VANGL2: variants seen among roughly 807,000 people sequenced by gnomAD.
The protein encoded by VANGL2 is VANGL planar cell polarity protein 2, also known as vang-like protein 2.
A neutral mutation model predicts 50.2 loss-of-function variants in VANGL2; 14 were observed. That is an observed-to-expected ratio of 0.28 (90% CI 0.18 to 0.44). The LOEUF (loss-of-function observed/expected upper bound fraction) is 0.44, where lower values mean the gene tolerates loss of function less well. VANGL2 is among the 20% of genes least tolerant of loss of function. VANGL2 has a pLI of 1.00. For synonymous variants in VANGL2, 295 were observed against 297.2 expected (o/e 0.99, Z 0.08); for missense variants, 533 against 701.5 (o/e 0.76, Z 2.71).
chr1:160,407,861 G>C (rs1373236430), intron 1 of VANGL2, among the ~76,000 whole-genome samples: 1 of 152,208 alleles, frequency 6.6e-6, no homozygotes, highest in Non-Finnish European at 1.5e-5. Context: ...GCAGCTCAAA[G>C]CCTGGTGGTG....
At chr1:160,420,953 T>G in intron 5 of VANGL2, 99 bp from the exon 6 acceptor site, 1 of 1,554,060 alleles carries the variant, frequency 6.4e-7, no homozygotes, top group Non-Finnish European at 8.8e-7. Context: ...TGGGAACAGC[T>G]TCTTCTGGAC....
In VANGL2 at chr1:160,425,078, A is replaced by G. The variant is rs200468499; in HGVS notation, c.1306-40A>G. 65 of 1,613,926 alleles carry G rather than the reference A, an allele frequency of 4.0e-5. No individual in the cohort carries two copies. In the East Asian group the frequency reaches 1.3e-3, roughly 33 times the overall value. On this transcript the variant is annotated intron_variant, in intron 7 of 7. Transcript: ENST00000368061. ...CTAGGGGATGAAGGACCGTGGGTAGATGACAGAGATTCTTATGCAGCCCCT... is the reference window on the plus strand; with the variant it reads ...CTAGGGGATGAAGGACCGTGGGTAGGTGACAGAGATTCTTATGCAGCCCCT...
intron 1 of VANGL2, among the ~76,000 whole-genome samples, chr1:160,414,692 T>G (rs1650992702): frequency 6.6e-6 from 1 of 152,018 alleles, no homozygotes; most frequent in Non-Finnish European, 1.5e-5. Context: ...AAACAAGATT[T>G]GATGCGTCAA....
chr1:160,418,032 C>T (rs1308467825), intron 3 of VANGL2, among the ~76,000 whole-genome samples: 1 of 151,878 alleles, frequency 6.6e-6, no homozygotes, highest in Non-Finnish European at 1.5e-5. Flanking sequence ...CTGCATCAGC[C>T]TCCCGAGTAG....
chr1:160,402,615 G>A (rs576418732), intron 1 of VANGL2, among the ~76,000 whole-genome samples: 15 of 152,238 alleles, frequency 9.9e-5, no homozygotes, highest in Admixed American at 4.6e-4. Flanking sequence ...CTGGTGTCAA[G>A]CATGATTGAG....
chr1:160,416,094 G>A lies in VANGL2; in HGVS notation c.104G>A (p.Arg35Gln), dbSNP rs142035303. 1.2e-6 allele frequency: 2 copies of A among 1,614,120 alleles called. No homozygotes were observed. The highest frequency in any genetic ancestry group is 1.3e-5 in the African/African-American group (1 of 74,938). The change falls in exon 3 of 8, where the codon CGA becomes CAA. Residue 35 changes from arginine (R) to glutamine (Q), a missense_variant. Arg to Gln is a conservative substitution (Grantham distance 43). Transcript: ENST00000368061. ...CGGGACCGACACCGCTCTAAGAGTCGAGATGGGGGCCGAGGGGACAAGTCG... is the reference window on the plus strand; with the variant it reads ...CGGGACCGACACCGCTCTAAGAGTCAAGATGGGGGCCGAGGGGACAAGTCG... ...DRRDRHRSKSRDGGRGDKSVT... is the reference protein window; with the variant it reads ...DRRDRHRSKSQDGGRGDKSVT...
At chr1:160,406,018 G>A (rs1650648136) in intron 1 of VANGL2, among the ~76,000 whole-genome samples, 1 of 152,160 alleles carries the variant, frequency 6.6e-6, no homozygotes, top group South Asian at 2.1e-4. Context: ...GAAAAGGTGG[G>A]AACTAACATT....
Position 160,425,485 on chromosome 1 carries a change from T to TA in VANGL2, c.*107_*108insA. 1.1e-6 allele frequency: 1 copy of TA among 915,440 alleles called. No individual in the cohort carries two copies. The highest frequency in any genetic ancestry group is 1.5e-6 in the Non-Finnish European group (1 of 674,452). The allele number at this position is 915,440 out of a possible 1,614,324, so 56.7% of individuals were successfully genotyped here. On this transcript the variant is annotated 3_prime_UTR_variant, in exon 8 of 8. Coordinates refer to ENST00000368061, the MANE Select transcript of VANGL2 (RefSeq NM_020335.3). Reference sequence around the variant, plus strand: ...TTCCTGCCACCCTTCTTCTTCTTGCTCTTTTTTTTTTACTTGAATTAACGC... The same window carrying TA: ...TTCCTGCCACCCTTCTTCTTCTTGCTACTTTTTTTTTTACTTGAATTAACGC...
At chr1:160,402,394 T>A (rs1650504899) in intron 1 of VANGL2, among the ~76,000 whole-genome samples, 1 of 152,182 alleles carries the variant, frequency 6.6e-6, no homozygotes, top group Non-Finnish European at 1.5e-5. Context: ...AACTCTGCCC[T>A]GACTCTAAGA....
chr1:160,412,710 C>A (rs934407616), intron 1 of VANGL2, among the ~76,000 whole-genome samples: 1 of 152,124 alleles, frequency 6.6e-6, no homozygotes, highest in African/African-American at 2.4e-5. Context: ...GGAGGATTGC[C>A]TCCATTGAAC....
chr1:160,428,646 A>G lies in VANGL2; in HGVS notation c.*3268A>G, dbSNP rs913356920. 4.6e-5 allele frequency: 7 copies of G among 152,576 alleles called. No individual in the cohort carries two copies. Among genetic ancestry groups the G allele is most frequent in the African/African-American group, 1.7e-4 (7 of 41,430 alleles). The allele number at this position is 152,576 out of a possible 1,614,324, so 9.5% of individuals were successfully genotyped here. ...CTAAAACTGTACAAATTTTTTTTATATAAAATAAAGACATTTGACTTTTGT... is the reference window on the plus strand; with the variant it reads ...CTAAAACTGTACAAATTTTTTTTATGTAAAATAAAGACATTTGACTTTTGT... On this transcript the variant is annotated 3_prime_UTR_variant, in exon 8 of 8. Coordinates refer to ENST00000368061, the MANE Select transcript of VANGL2 (RefSeq NM_020335.3).
chr1:160,403,291 A>G (rs1427978447), intron 1 of VANGL2, among the ~76,000 whole-genome samples: 1 of 152,048 alleles, frequency 6.6e-6, no homozygotes, highest in Non-Finnish European at 1.5e-5. Context: ...CGCTGATCAC[A>G]TGCATGATAT....
intron 1 of VANGL2, among the ~76,000 whole-genome samples, chr1:160,404,147 C>T (rs1432418376): frequency 6.6e-6 from 1 of 152,120 alleles, no homozygotes; most frequent in Admixed American, 6.5e-5. Context: ...GGCTTTGGTT[C>T]TGATCTTCCT....
chr1:160,425,037 C>T, intron 7 of VANGL2, 81 bp from the exon 8 acceptor site: 1 of 1,607,568 alleles, frequency 6.2e-7, no homozygotes, highest in Non-Finnish European at 8.5e-7. Flanking sequence ...TCCTTCTTGT[C>T]TTTGGAAACT....
chr1:160,410,853 TCTC>T (rs1435953548), intron 1 of VANGL2, among the ~76,000 whole-genome samples: 1 of 151,988 alleles, frequency 6.6e-6, no homozygotes, highest in African/African-American at 2.4e-5. Context: ...AACCCCATTC[TCTC>T]CTCCTCTGTC....
intron 7 of VANGL2, among the ~76,000 whole-genome samples, chr1:160,424,567 A>G (rs1009167425): frequency 1.3e-5 from 2 of 152,060 alleles, no homozygotes; most frequent in Admixed American, 1.3e-4. Flanking sequence ...ACCAGATCCA[A>G]AGGCCCACTT....
intron 1 of VANGL2, among the ~76,000 whole-genome samples, chr1:160,411,643 T>G (rs1190118977): frequency 6.6e-6 from 1 of 152,164 alleles, no homozygotes; most frequent in East Asian, 1.9e-4. Context: ...AAGCGTGTTT[T>G]GGTGCTTTTT....
chr1:160,406,073 A>G (rs879558995), intron 1 of VANGL2, among the ~76,000 whole-genome samples: 4 of 152,196 alleles, frequency 2.6e-5, no homozygotes, highest in East Asian at 1.9e-4. Context: ...TATTCTGCAT[A>G]CATTATTTTG....
At chr1:160,420,859 C>G (rs1046269558) in intron 5 of VANGL2, among the ~76,000 whole-genome samples, 193 bp from the exon 6 acceptor site, 4 of 152,224 alleles carry the variant, frequency 2.6e-5, no homozygotes, top group African/African-American at 9.6e-5. Flanking sequence ...GACTCTTGCG[C>G]TTCCAGTGCC....
Sources: gnomAD v4.1 joint callset for allele counts (sites outside exome capture counted in the v4.1 genomes callset) on GRCh38, gnomAD v4.1.1 for gene constraint, MANE v1.5 for transcripts, NCBI Gene and HGNC (gene_info 2026-07-23, HGNC 2026-07-21) for gene names.